VPS13D: variants seen among roughly 807,000 people sequenced by gnomAD.
VPS13D encodes the protein intermembrane lipid transfer protein VPS13D.
In VPS13D, 187 loss-of-function variants were observed where a neutral mutation model predicts 461.9. That is an observed-to-expected ratio of 0.40 (90% confidence interval 0.36 to 0.46). The LOEUF (loss-of-function observed/expected upper bound fraction) is 0.46. Ranked by LOEUF, VPS13D falls within the 20% of genes least tolerant of loss-of-function variation. The probability of loss-of-function intolerance (pLI) is 0.60; values close to 1 mark genes in which losing one functional copy is unlikely to be tolerated. For missense variants in VPS13D, 4,711 were observed against 5,364.9 expected, an observed-to-expected ratio of 0.88 and a Z score of 3.81; for synonymous variants, 1,951 against 1,986.3, an observed-to-expected ratio of 0.98 and a Z score of 0.47.
At chr1:12,243,712 G>A (rs1640454889) in intron 3 of VPS13D, among the ~76,000 whole-genome samples, 1 of 152,150 alleles carries the variant, frequency 6.6e-6, no homozygotes, top group African/African-American at 2.4e-5. Flanking sequence ...CTACCGAGCC[G>A]TTTGGCTTTC....
At chr1:12,286,134 A>G (rs1299388645) in intron 21 of VPS13D, among the ~76,000 whole-genome samples, 1 of 150,452 alleles carries the variant, frequency 6.6e-6, no homozygotes, top group Non-Finnish European at 1.5e-5. Flanking sequence ...CTGGAGTGCA[A>G]TGGCATGATC....
rs376816715 is a variant in VPS13D at position 12,325,296 on chromosome 1, C to T, written c.7990+1516C>T. On this transcript the variant is annotated intron_variant, in intron 35 of 69. Transcript: ENST00000620676. ...TTTCTTTGAGACAGAGTCTCGCTCT[C>T]TTGCCCAGGCTGGAGTGCAGTGGCG... Among the ~76,000 whole-genome samples the T allele has an allele frequency of 5.3e-5, 8 of 151,646 alleles. No individual in the cohort carries two copies. The East Asian group carries it at 7.8e-4, about 15-fold the overall frequency.
chr1:12,283,956 TCTTAC>T (rs906303732), intron 21 of VPS13D, among the ~76,000 whole-genome samples: 11 of 152,226 alleles, frequency 7.2e-5, no homozygotes, highest in African/African-American at 2.4e-4. Context: ...GGTTTAAGAA[TCTTAC>T]CTTTCCTTTG....
At chr1:12,479,319 C>T (rs77452491) in intron 67 of VPS13D, among the ~76,000 whole-genome samples, 1,841 of 152,336 alleles carry the variant, frequency 0.012, 49 homozygotes, top group African/African-American at 0.042. Flanking sequence ...TTTGGCCAAA[C>T]TCGGGACCTG....
intron 37 of VPS13D, among the ~76,000 whole-genome samples, 173 bp from the exon 38 acceptor site, chr1:12,333,053 C>T (rs1173261980): frequency 1.3e-5 from 2 of 152,140 alleles, no homozygotes; most frequent in African/African-American, 4.8e-5. Flanking sequence ...ACAACGCAGA[C>T]ATCTGTAGGG....
intron 65 of VPS13D, among the ~76,000 whole-genome samples, chr1:12,430,484 T>A (rs558199123): frequency 6.6e-6 from 1 of 152,360 alleles, no homozygotes; most frequent in South Asian, 2.1e-4. Context: ...GTGAGATAAT[T>A]TAACCTTGCA....
chr1:12,362,610 A>C, intron 50 of VPS13D, 110 bp from the exon 51 acceptor site: 1 of 1,066,250 alleles, frequency 9.4e-7, no homozygotes, highest in South Asian at 1.5e-5. Context: ...TGGGTGATAC[A>C]GTTATTTTCT....
Position 12,376,852 on chromosome 1 carries a change from G to A in VPS13D, c.10918-1576G>A, listed in dbSNP as rs116177533. 5.6e-3 allele frequency among the ~76,000 whole-genome samples: 852 copies of A among 152,206 alleles called. 7 individuals carry two copies. Among genetic ancestry groups the A allele is most frequent in the African/African-American group, 0.019 (775 of 41,502 alleles). On this transcript the variant is annotated intron_variant, in intron 55 of 69. Coordinates refer to ENST00000620676, the MANE Select transcript of VPS13D (RefSeq NM_015378.4). The stretch of plus-strand genomic sequence containing the variant: ...TGACTGAAAAGGAATGATACAGATT[G>A]TGCTAGAGAGGCAACATAGCAGAGC...
In VPS13D at chr1:12,277,483, T is replaced by A; in HGVS notation, c.3895T>A (p.Phe1299Ile). 6.2e-7 allele frequency: 1 copy of A among 1,614,090 alleles called. No homozygotes were observed. Among genetic ancestry groups the A allele is most frequent in the Non-Finnish European group, 8.5e-7 (1 of 1,180,006 alleles). The change falls in exon 19 of 70, where the codon TTT becomes ATT. Residue 1299 changes from phenylalanine to isoleucine, a missense_variant. Physicochemically the swap from Phe to Ile is conservative, Grantham distance 21. This residue lies in a region of VPS13D where 4,411 missense variants were observed against 4,937.8 expected (regional missense o/e 0.89). Transcript: ENST00000620676. ...ASLHYNHSAK[F>I]LKELTLSMDE... Reference sequence around the variant, plus strand: ...TTTACATTATAACCACTCTGCTAAGTTTTTGAAGGAGTTGACGTTATCCAT... The same window carrying A: ...TTTACATTATAACCACTCTGCTAAGATTTTGAAGGAGTTGACGTTATCCAT...
At chr1:12,464,575 C>T (rs1243702996) in intron 67 of VPS13D, among the ~76,000 whole-genome samples, 1 of 152,052 alleles carries the variant, frequency 6.6e-6, no homozygotes, top group African/African-American at 2.4e-5. Context: ...TAGGGAACCC[C>T]CCCTCCTTAT....
In VPS13D at chr1:12,290,442, G is replaced by A. The variant is rs529281552; in HGVS notation, c.5726-556G>A. On this transcript the variant is annotated intron_variant, in intron 22 of 69. Coordinates refer to ENST00000620676, the MANE Select transcript of VPS13D (RefSeq NM_015378.4). ...TTTTATCCTTTAAATATGTAATGTTGCCGGGCGCGGTGGCTCACACCTGTA... is the reference window on the plus strand; with the variant it reads ...TTTTATCCTTTAAATATGTAATGTTACCGGGCGCGGTGGCTCACACCTGTA... Among the ~76,000 whole-genome samples the A allele has an allele frequency of 1.1e-4, 17 of 152,210 alleles. No homozygotes were observed. The East Asian group carries it at 2.9e-3, about 26-fold the overall frequency.
At position 12,261,164 on chromosome 1, in the gene VPS13D, G is replaced by A. The variant is rs936661599; in HGVS notation, c.1414+15G>A. The A allele has an allele frequency of 2.5e-6, 4 of 1,613,134 alleles. No individual in the cohort carries two copies. The Admixed American group carries it at 5.0e-5, about 20-fold the overall frequency. Reference sequence around the variant, plus strand: ...AGAGATCCTGGGTACGGTGGGAGCTGGCCTTCACTTGATTCAAACAAATTC... The same window carrying A: ...AGAGATCCTGGGTACGGTGGGAGCTAGCCTTCACTTGATTCAAACAAATTC... On this transcript the variant is annotated intron_variant, in intron 12 of 69. Transcript: ENST00000620676.
rs1294931223 is a variant in VPS13D at position 12,382,989 on chromosome 1, T to G, written c.11204T>G (p.Leu3735Arg). 6.2e-7 allele frequency: 1 copy of G among 1,613,696 alleles called. No homozygotes were observed. The highest frequency in any genetic ancestry group is 1.3e-5 in the African/African-American group (1 of 74,914). Residue 3735 changes from leucine to arginine, a missense_variant, in exon 58 of 70, where the codon CTT becomes CGT. By Grantham distance (102) the Leu-to-Arg change is moderately radical. This residue lies in a region of VPS13D where 4,411 missense variants were observed against 4,937.8 expected (regional missense o/e 0.89). Coordinates refer to ENST00000620676, the MANE Select transcript of VPS13D (RefSeq NM_015378.4). Reference sequence around the variant, plus strand: ...AATGTCTTTTAGGCCAAAGGAGGACTTTCTGGTTTGTTTGATGGAGCTGAA... The same window carrying G: ...AATGTCTTTTAGGCCAAAGGAGGACGTTCTGGTTTGTTTGATGGAGCTGAA... ...HGLVVQAKGG[L>R]SGLFDGAEVV... is the part of the protein sequence containing the mutation.
chr1:12,412,681 G>A (rs544205158), intron 63 of VPS13D, among the ~76,000 whole-genome samples: 2 of 152,278 alleles, frequency 1.3e-5, no homozygotes, highest in East Asian at 3.9e-4. Context: ...GGTGTGAAGA[G>A]TAAAACAATA....
Position 12,268,862 on chromosome 1 carries a change from A to G in VPS13D, c.1958A>G (p.Lys653Arg). ...GTAGCAGACTTTTTCTACAAGGGAA[A>G]GGTTCATACCTCAGGTTAACTTTTT... Reference protein sequence around the residue: ...KKVADFFYKGKVHTSGFGYQS... With the variant: ...KKVADFFYKGRVHTSGFGYQS... Residue 653 changes from lysine to arginine, a missense_variant, in exon 16 of 70, where the codon AAG becomes AGG. This residue lies in a region of VPS13D where 4,411 missense variants were observed against 4,937.8 expected (regional missense o/e 0.89). Coordinates refer to ENST00000620676, the MANE Select transcript of VPS13D (RefSeq NM_015378.4). 1.2e-6 allele frequency: 2 copies of G among 1,611,980 alleles called. No homozygotes were observed. Among genetic ancestry groups the G allele is most frequent in the Non-Finnish European group, 1.7e-6 (2 of 1,179,426 alleles).
intron 65 of VPS13D, among the ~76,000 whole-genome samples, chr1:12,418,119 G>C (rs1557427328): frequency 1.3e-5 from 2 of 152,120 alleles, no homozygotes; most frequent in African/African-American, 4.8e-5. Flanking sequence ...ATTTGGCCAG[G>C]CTGGTCTCGA....
At chr1:12,410,088 A>G (rs1187510599) in intron 63 of VPS13D, among the ~76,000 whole-genome samples, 1 of 152,216 alleles carries the variant, frequency 6.6e-6, no homozygotes, top group African/African-American at 2.4e-5. Context: ...CTGGTAATTG[A>G]AGGGCTAATA....
At chr1:12,312,717 C>G (rs918938114) in intron 29 of VPS13D, among the ~76,000 whole-genome samples, 1 of 152,196 alleles carries the variant, frequency 6.6e-6, no homozygotes, top group Non-Finnish European at 1.5e-5. Flanking sequence ...CATGATCACA[C>G]CACTGCACTC....
At chr1:12,307,178 A>G (rs1171652169) in intron 26 of VPS13D, among the ~76,000 whole-genome samples, 3 of 152,258 alleles carry the variant, frequency 2.0e-5, no homozygotes, top group African/African-American at 7.2e-5. Flanking sequence ...ACATGCTGTT[A>G]GACATGGCTC....
Sources: gnomAD v4.1 joint callset for allele counts (sites outside exome capture counted in the v4.1 genomes callset) on GRCh38, gnomAD v4.1.1 for gene constraint, gnomAD v4.1.1 regional missense constraint, MANE v1.5 for transcripts, NCBI Gene and HGNC (gene_info 2026-07-23, HGNC 2026-07-21) for gene names.